The following TIAM2 variants were observed in gnomAD, a reference collection of about 807,000 sequenced individuals.
The protein encoded by TIAM2 is TIAM Rac1 associated GEF 2.
TIAM2 carries 80 observed loss-of-function variants against 152.9 expected under a neutral mutation model. That is an observed-to-expected ratio of 0.52 (90% CI 0.44 to 0.63). TIAM2 has a LOEUF of 0.63. Ranked by LOEUF, TIAM2 falls within the 30% of genes least tolerant of loss-of-function variation. The probability of loss-of-function intolerance (pLI) is 0.00; values close to 1 mark genes in which losing one functional copy is unlikely to be tolerated. For missense variants in TIAM2, 1,965 were observed against 2,120.1 expected (o/e 0.93, Z 1.44); for synonymous variants, 804 against 838.0 (o/e 0.96, Z 0.70).
chr6:155,062,059 T>C (rs1777590827), intron 1 of TIAM2, among the ~76,000 whole-genome samples: 1 of 151,912 alleles, frequency 6.6e-6, no homozygotes, highest in South Asian at 2.1e-4. Context: ...TGGTCTGGCT[T>C]ACCCTCGCCA....
rs189726723 is a variant in TIAM2, at chr6:155,089,602, T to C, written c.-208-687T>C. On this transcript the variant is annotated intron_variant, in intron 1 of 26. Coordinates refer to ENST00000682666, the MANE Select transcript of TIAM2 (RefSeq NM_012454.4). ...TAACAATGGCTCAAGACATGGTGTT[T>C]CTTCGCTGATCCCTCTGCCTGGGGG... is the stretch of plus-strand genomic sequence containing the variant. 4.6e-5 allele frequency among the ~76,000 whole-genome samples: 7 copies of C among 152,328 alleles called. No homozygotes were observed. In the East Asian group the frequency reaches 1.2e-3, roughly 25 times the overall value.
chr6:155,179,567 T>C, intron 12 of TIAM2, 111 bp downstream of exon 12: 2 of 951,566 alleles, frequency 2.1e-6, no homozygotes, highest in African/African-American at 1.7e-5. Flanking sequence ...TTTCAGAATA[T>C]ATGACAGTAG....
intron 15 of TIAM2, among the ~76,000 whole-genome samples, chr6:155,236,037 C>T (rs1049658596): frequency 5.3e-5 from 8 of 151,940 alleles, no homozygotes; most frequent in Non-Finnish European, 1.0e-4. Context: ...TTCAGGACTG[C>T]AGAATTATAT....
intron 16 of TIAM2, among the ~76,000 whole-genome samples, chr6:155,242,188 T>C (rs4548021): frequency 0.98 from 149,460 of 152,328 alleles, 73,361 homozygotes; most frequent in East Asian, 1. Flanking sequence ...GATTTTGCTG[T>C]CCAGGAAGTC....
At chr6:155,019,291 G>A (rs1343093572) in intron 1 of TIAM2, among the ~76,000 whole-genome samples, 2 of 151,782 alleles carry the variant, frequency 1.3e-5, no homozygotes, top group South Asian at 4.2e-4. Flanking sequence ...CTGAGATTGG[G>A]CCACTGCACT....
chr6:155,249,999 T>C (rs1783554088), intron 21 of TIAM2, 30 bp downstream of exon 21: 1 of 1,567,078 alleles, frequency 6.4e-7, no homozygotes, highest in Non-Finnish European at 8.7e-7. Context: ...CCTGGGAGCC[T>C]AGTGCATGTG....
At chr6:155,191,621 G>A (rs1009890132) in intron 14 of TIAM2, among the ~76,000 whole-genome samples, 19 of 152,098 alleles carry the variant, frequency 1.2e-4, no homozygotes, top group Admixed American at 2.0e-4. Context: ...GTGAAACCCT[G>A]TCTTTACTAA....
intron 15 of TIAM2, chr6:155,232,547 CAGG>C (rs1454129681): frequency 6.6e-6 from 1 of 152,130 alleles, no homozygotes; most frequent in Non-Finnish European, 1.5e-5. Flanking sequence ...TATTTCGGTG[CAGG>C]AGGAGCAGCA....
intron 1 of TIAM2, among the ~76,000 whole-genome samples, chr6:154,997,269 C>G (rs190161272): frequency 6.6e-6 from 1 of 152,312 alleles, no homozygotes. Flanking sequence ...TCTTCCTTAT[C>G]CGTAGGCGAA....
chr6:155,223,544 T>TA (rs1782132906), intron 15 of TIAM2, among the ~76,000 whole-genome samples: 1 of 150,966 alleles, frequency 6.6e-6, no homozygotes, highest in South Asian at 2.1e-4. Flanking sequence ...TTTTTTTTTT[T>TA]ACTCTGCACT....
chr6:155,177,940 C>T (rs572986213), intron 10 of TIAM2, among the ~76,000 whole-genome samples: 14 of 151,854 alleles, frequency 9.2e-5, no homozygotes, highest in African/African-American at 2.9e-4. Context: ...TTGGGGAGGC[C>T]GAGGAGGTCA....
At chr6:155,092,091 G>C (rs1778319985) in intron 2 of TIAM2, among the ~76,000 whole-genome samples, 1 of 151,060 alleles carries the variant, frequency 6.6e-6, no homozygotes, top group South Asian at 2.1e-4. Flanking sequence ...TAGAGACGAG[G>C]TCTTGCTATG....
intron 7 of TIAM2, among the ~76,000 whole-genome samples, chr6:155,157,175 TCTGTACTG>T (rs1780140778): frequency 6.6e-6 from 1 of 152,232 alleles, no homozygotes; most frequent in Non-Finnish European, 1.5e-5. Context: ...GATGCTGTCC[TCTGTACTG>T]CAGGAAACAG....
At position 155,214,161 on chromosome 6, in the gene TIAM2, G is replaced by A. The variant is rs765660231; in HGVS notation, c.3168+2854G>A. On this transcript the variant is annotated intron_variant, in intron 15 of 26. Coordinates refer to ENST00000682666, the MANE Select transcript of TIAM2 (RefSeq NM_012454.4). This position sits in a 1 kb window ranked among gnomAD's most constrained non-coding sequence, Gnocchi z 5.4. ...CGAGGCTCCCGCCCTGCCACTTCAG[G>A]ATTGGGTGGGGCTTCCACATTCTCA... is the stretch of plus-strand genomic sequence containing the variant. 1.9e-4 allele frequency among the ~76,000 whole-genome samples: 29 copies of A among 152,254 alleles called. No individual in the cohort carries two copies. The highest frequency in any genetic ancestry group is 2.5e-4 in the Non-Finnish European group (17 of 68,026).
At position 155,198,433 on chromosome 6, in the gene TIAM2, C is replaced by T. The variant is rs76798592; in HGVS notation, c.3065-12771C>T. ...ATCCCAGCACTTTGGGAAGCCGAGG[C>T]GGGTGGATCACCTGAGGTCAGGAGT... On this transcript the variant is annotated intron_variant, in intron 14 of 26. Coordinates refer to ENST00000682666, the MANE Select transcript of TIAM2 (RefSeq NM_012454.4). Among the ~76,000 whole-genome samples the T allele has an allele frequency of 9.2e-5, 14 of 152,072 alleles. No individual in the cohort carries two copies. In the East Asian group the frequency reaches 2.3e-3, roughly 25 times the overall value.
At chr6:155,098,898 T>C (rs1007277630) in intron 2 of TIAM2, among the ~76,000 whole-genome samples, 3 of 152,192 alleles carry the variant, frequency 2.0e-5, no homozygotes, top group African/African-American at 7.2e-5. Context: ...TTTATAAATG[T>C]ACCATAAGGC....
intron 1 of TIAM2, among the ~76,000 whole-genome samples, chr6:155,070,098 G>C (rs1409504621): frequency 6.6e-6 from 1 of 150,816 alleles, no homozygotes; most frequent in Non-Finnish European, 1.5e-5. Flanking sequence ...GTAGAGACAG[G>C]GTTTCACTAT....
At chr6:155,084,582 A>G (rs563956465) in intron 1 of TIAM2, among the ~76,000 whole-genome samples, 25 of 151,610 alleles carry the variant, frequency 1.6e-4, no homozygotes, top group Non-Finnish European at 2.9e-4. Flanking sequence ...CTAGCTGGCC[A>G]TTGATTTTTT....
chr6:155,034,501 C>A (rs1776887025), intron 1 of TIAM2, among the ~76,000 whole-genome samples: 1 of 152,184 alleles, frequency 6.6e-6, no homozygotes, highest in African/African-American at 2.4e-5. Context: ...GTGATCTGCC[C>A]ACCTTGGCCT....
Sources: gnomAD v4.1 joint callset for allele counts (sites outside exome capture counted in the v4.1 genomes callset) on GRCh38, gnomAD v4.1.1 for gene constraint, Gnocchi (gnomAD v3.1) non-coding constraint, MANE v1.5 for transcripts, NCBI Gene and HGNC (gene_info 2026-07-23, HGNC 2026-07-21) for gene names.